Variants in JAK2 observed in about 807,000 individuals in gnomAD.
JAK2 encodes tyrosine-protein kinase JAK2.
JAK2 carries 86 observed loss-of-function variants against 139.3 expected under a neutral mutation model. The ratio of observed to expected loss-of-function variants is 0.62; its 90% CI spans 0.52 to 0.74. The LOEUF is 0.74. Ranked by LOEUF, JAK2 falls within the 30% of genes least tolerant of loss-of-function variation. JAK2 has a pLI of 0.00. For synonymous variants in JAK2, 490 were observed against 437.7 expected (o/e 1.12, Z -1.49); for missense variants, 1,421 against 1,360.3 (o/e 1.04, Z -0.70).
chr9:5,098,508 G>A (rs776929431), intron 22 of JAK2: 5 of 152,060 alleles, frequency 3.3e-5, no homozygotes, highest in African/African-American at 7.2e-5. Context: ...TAGCACCACA[G>A]ATGCCCAAGA....
chr9:4,998,359 C>G (rs1051572271), intron 2 of JAK2, among the ~76,000 whole-genome samples: 4 of 152,024 alleles, frequency 2.6e-5, no homozygotes, highest in African/African-American at 4.8e-5. Context: ...CAGATTCAAG[C>G]AATTCTCCTA....
chr9:5,034,130 A>G (rs1307782245), intron 4 of JAK2, among the ~76,000 whole-genome samples: 7 of 152,232 alleles, frequency 4.6e-5, no homozygotes, highest in African/African-American at 1.4e-4. Context: ...AACAAAGATC[A>G]AAAGAAACAA....
intron 2 of JAK2, among the ~76,000 whole-genome samples, chr9:4,988,819 C>G (rs1356407115): frequency 1.3e-5 from 2 of 152,156 alleles, no homozygotes; most frequent in Admixed American, 1.3e-4. Flanking sequence ...TTTTCTACCC[C>G]TTAATTTTCT....
At position 5,066,667 on chromosome 9, in the gene JAK2, T is replaced by A; in HGVS notation, c.1215-11T>A. 1 of 1,477,474 alleles carries A rather than the reference T, an allele frequency of 6.8e-7. No homozygotes were observed. Among genetic ancestry groups the A allele is most frequent in the Non-Finnish European group, 9.5e-7 (1 of 1,056,466 alleles). 91.5% of individuals were successfully genotyped at this position (1,477,474 alleles called of 1,614,324 possible). On this transcript the variant is annotated splice_polypyrimidine_tract_variant and intron_variant, in intron 9 of 24. Coordinates refer to ENST00000381652, the MANE Select transcript of JAK2 (RefSeq NM_004972.4). ...GATATATTATTCAAATTGCTTCTTC[T>A]TTACCTTTAGGATGGATTTTGCCAT...
At chr9:5,101,630 C>T (rs1021746471) in intron 22 of JAK2, among the ~76,000 whole-genome samples, 1 of 152,200 alleles carries the variant, frequency 6.6e-6, no homozygotes, top group Non-Finnish European at 1.5e-5. Context: ...CAGTAGAGGC[C>T]AACTGACACC....
At chr9:5,116,791 G>C (rs1234850241) in intron 22 of JAK2, among the ~76,000 whole-genome samples, 2 of 152,096 alleles carry the variant, frequency 1.3e-5, no homozygotes, top group African/African-American at 2.4e-5. Context: ...CAACTGACAG[G>C]TCCACTACCC....
chr9:5,042,124 C>CTTTT (rs71326152), intron 4 of JAK2, among the ~76,000 whole-genome samples: 84 of 107,602 alleles, frequency 7.8e-4, no homozygotes, highest in East Asian at 1.3e-3. Flanking sequence ...GCCAAAATTT[C>CTTTT]TTTTTTTTTT....
intron 22 of JAK2, among the ~76,000 whole-genome samples, chr9:5,118,822 C>G (rs1412252245): frequency 6.6e-6 from 1 of 152,078 alleles, no homozygotes; most frequent in African/African-American, 2.4e-5. Context: ...TTCATTTGAT[C>G]AGATCCATTA....
intron 17 of JAK2, 49 bp from the exon 18 acceptor site, chr9:5,080,484 G>T (rs771083628): frequency 6.5e-6 from 10 of 1,538,370 alleles, no homozygotes; most frequent in Non-Finnish European, 7.9e-6. Flanking sequence ...AAAGAAGGTT[G>T]GTGTGGCATT....
intron 2 of JAK2, among the ~76,000 whole-genome samples, chr9:5,006,729 A>G (rs1429697799): frequency 6.6e-6 from 1 of 152,216 alleles, no homozygotes; most frequent in Non-Finnish European, 1.5e-5. Flanking sequence ...GCGTAAATCC[A>G]TCCCATGACC....
rs140658952 is a variant in JAK2 at position 5,086,149 on chromosome 9, C to G, written c.2572-3525C>G. On this transcript the variant is annotated intron_variant, in intron 19 of 24. Transcript: ENST00000381652. ...GCGCGGCCCCGGCGGCCCCGCAAGG[C>G]TCGGGGAGCGGTCTCCACGCCGCCG... The G allele has an allele frequency of 4.0e-3, 1,478 of 367,242 alleles. 19 individuals carry two copies. Among genetic ancestry groups the G allele is most frequent in the African/African-American group, 0.031 (1,399 of 45,786 alleles). 22.7% of individuals were successfully genotyped at this position (367,242 alleles called of 1,614,324 possible). A position where few individuals can be genotyped will look rare whatever the true frequency, so the allele number is the denominator to read the frequency against.
chr9:5,129,524 A>G lies in JAK2; in HGVS notation c.*2733A>G, dbSNP rs1412849130. Reference sequence around the variant, plus strand: ...ATGAAAGTTTCTCTAATTTGGGGGCATAATGTACTAAGAATCAGTTTGCTG... The same window carrying G: ...ATGAAAGTTTCTCTAATTTGGGGGCGTAATGTACTAAGAATCAGTTTGCTG... On this transcript the variant is annotated 3_prime_UTR_variant, in exon 25 of 25. Transcript: ENST00000381652. Among the ~76,000 whole-genome samples the G allele has an allele frequency of 2.6e-5, 4 of 152,134 alleles. No homozygotes were observed. In the East Asian group the frequency reaches 7.7e-4, roughly 29 times the overall value.
At chr9:5,065,923 T>G (rs1175713233) in intron 9 of JAK2, among the ~76,000 whole-genome samples, 1 of 152,206 alleles carries the variant, frequency 6.6e-6, no homozygotes. Flanking sequence ...TAGTAATGAA[T>G]ATTGTTGCTA....
chr9:5,035,705 AAATT>A (rs1486041680), intron 4 of JAK2, among the ~76,000 whole-genome samples: 2 of 152,222 alleles, frequency 1.3e-5, no homozygotes, highest in Non-Finnish European at 2.9e-5. Context: ...AACTCTCAAT[AAATT>A]AGGTATTGAT....
At chr9:5,101,196 A>G (rs1393140468) in intron 22 of JAK2, among the ~76,000 whole-genome samples, 2 of 152,212 alleles carry the variant, frequency 1.3e-5, no homozygotes, top group East Asian at 1.9e-4. Flanking sequence ...TGCTTTTCCA[A>G]CAGTCTTACC....
chr9:5,124,532 T>G (rs528974720), intron 23 of JAK2, among the ~76,000 whole-genome samples: 24 of 151,864 alleles, frequency 1.6e-4, no homozygotes, highest in African/African-American at 4.8e-4. Context: ...ACCAATGTCA[T>G]TTGTTCACAG....
intron 2 of JAK2, among the ~76,000 whole-genome samples, chr9:4,988,166 C>G (rs1456280361): frequency 1.3e-5 from 2 of 152,212 alleles, no homozygotes; most frequent in Non-Finnish European, 2.9e-5. Flanking sequence ...CCCTTCCCCA[C>G]TCCCTTTTAG....
intron 22 of JAK2, chr9:5,111,208 G>A (rs1473383631): frequency 1.1e-5 from 7 of 617,940 alleles, no homozygotes; most frequent in South Asian, 9.0e-5. Flanking sequence ...GGGACTCGGA[G>A]GCAAGAGCAG....
intron 4 of JAK2, among the ~76,000 whole-genome samples, chr9:5,040,021 A>G (rs1343395867): frequency 6.6e-6 from 1 of 152,228 alleles, no homozygotes; most frequent in Non-Finnish European, 1.5e-5. Context: ...TTGAAACAAT[A>G]CAAAGTTTGA....
Sources: gnomAD v4.1 joint callset for allele counts (sites outside exome capture counted in the v4.1 genomes callset) on GRCh38, gnomAD v4.1.1 for gene constraint, MANE v1.5 for transcripts, NCBI Gene and HGNC (gene_info 2026-07-23, HGNC 2026-07-21) for gene names.